Variants in CFAP299 observed in about 807,000 individuals in gnomAD.
CFAP299 encodes cilia and flagella associated protein 299.
CFAP299 carries 21 observed loss-of-function variants against 27.0 expected under a neutral mutation model. The observed-to-expected ratio is 0.78, with a 90% CI of 0.55 to 1.12. The LOEUF (loss-of-function observed/expected upper bound fraction) is 1.12. Ranked by LOEUF, CFAP299 falls within the 50% of genes most tolerant of loss-of-function variation. CFAP299 has a pLI of 0.00. For synonymous variants in CFAP299, 104 were observed against 98.1 expected, an observed-to-expected ratio of 1.06 and a Z score of -0.36; for missense variants, 310 against 276.6, an observed-to-expected ratio of 1.12 and a Z score of -0.86.
At chr4:80,519,071 T>A (rs1179807437) in intron 2 of CFAP299, among the ~76,000 whole-genome samples, 2 of 152,136 alleles carry the variant, frequency 1.3e-5, no homozygotes, top group Non-Finnish European at 2.9e-5. Flanking sequence ...AAATAATAAT[T>A]AATTTTTTCT....
chr4:80,771,713 T>C (rs1395677467), intron 3 of CFAP299, among the ~76,000 whole-genome samples: 1 of 152,154 alleles, frequency 6.6e-6, no homozygotes, highest in South Asian at 2.1e-4. Context: ...ATGTCTTCCA[T>C]CATGTGCTTT....
At chr4:80,903,145 G>A (rs72865182) in intron 4 of CFAP299, among the ~76,000 whole-genome samples, 2,397 of 152,124 alleles carry the variant, frequency 0.016, 65 homozygotes, top group African/African-American at 0.054. Context: ...ACTATGGAGT[G>A]TTACAAAGCA....
chr4:80,864,466 ATACC>A (rs1732579353), intron 3 of CFAP299, among the ~76,000 whole-genome samples: 1 of 143,854 alleles, frequency 7.0e-6, no homozygotes, highest in Non-Finnish European at 1.5e-5. Context: ...AAGTATATAT[ATACC>A]TATGTGTATA....
At chr4:80,582,065 C>T (rs572878947) in intron 2 of CFAP299, among the ~76,000 whole-genome samples, 66 of 151,882 alleles carry the variant, frequency 4.3e-4, no homozygotes, top group Non-Finnish European at 7.4e-4. Flanking sequence ...TGCCATTACC[C>T]GATTGCCTTG....
intron 3 of CFAP299, among the ~76,000 whole-genome samples, chr4:80,676,787 T>C (rs1241963945): frequency 6.6e-6 from 1 of 152,168 alleles, no homozygotes; most frequent in Non-Finnish European, 1.5e-5. Flanking sequence ...TTCTGTGGTC[T>C]AAGTTGTTAT....
chr4:80,441,091 T>A (rs1334452545), intron 2 of CFAP299, among the ~76,000 whole-genome samples: 1 of 152,170 alleles, frequency 6.6e-6, no homozygotes, highest in East Asian at 1.9e-4. Context: ...TTGATATACC[T>A]GAAAGTGACA....
chr4:80,495,045 A>G (rs1345257798), intron 2 of CFAP299, among the ~76,000 whole-genome samples: 1 of 152,182 alleles, frequency 6.6e-6, no homozygotes, highest in African/African-American at 2.4e-5. Context: ...AAGATATATA[A>G]CCATTTCACT....
At chr4:80,856,848 G>C (rs1370380029) in intron 3 of CFAP299, among the ~76,000 whole-genome samples, 1 of 151,894 alleles carries the variant, frequency 6.6e-6, no homozygotes, top group Non-Finnish European at 1.5e-5. Context: ...GATGCCTCCA[G>C]CTTTGTTCTT....
At chr4:80,459,784 G>A (rs540058316) in intron 2 of CFAP299, among the ~76,000 whole-genome samples, 8 of 152,300 alleles carry the variant, frequency 5.3e-5, no homozygotes, top group African/African-American at 1.9e-4. Flanking sequence ...TAGGTCCAGA[G>A]TTCCCTTGAC....
chr4:80,646,408 A>T (rs1346416456), intron 3 of CFAP299, among the ~76,000 whole-genome samples: 1 of 152,196 alleles, frequency 6.6e-6, no homozygotes, highest in African/African-American at 2.4e-5. Flanking sequence ...TGCTAGAGAC[A>T]TATTACCCTA....
intron 3 of CFAP299, among the ~76,000 whole-genome samples, chr4:80,767,604 G>A (rs150248355): frequency 3.9e-5 from 6 of 152,138 alleles, no homozygotes; most frequent in East Asian, 3.9e-4. Context: ...GCGAGACTCC[G>A]TCTCAAAAAA....
At chr4:80,405,909 A>G (rs1315945610) in intron 2 of CFAP299, among the ~76,000 whole-genome samples, 1 of 152,170 alleles carries the variant, frequency 6.6e-6, no homozygotes, top group African/African-American at 2.4e-5. Context: ...TATAGTTATT[A>G]GATACAGCCA....
intron 2 of CFAP299, among the ~76,000 whole-genome samples, chr4:80,495,383 G>T (rs1423518663): frequency 6.6e-6 from 1 of 152,060 alleles, no homozygotes; most frequent in Non-Finnish European, 1.5e-5. Flanking sequence ...CCAATTCTTG[G>T]TTACTGTAAA....
Position 80,848,104 on chromosome 4 carries a change from G to A in CFAP299, c.334-21889G>A, listed in dbSNP as rs182997355. Among the ~76,000 whole-genome samples, 912 of 151,938 alleles carry A rather than the reference G, an allele frequency of 6.0e-3. 6 individuals carry two copies. The highest frequency in any genetic ancestry group is 8.3e-3 in the Non-Finnish European group (562 of 67,928). On this transcript the variant is annotated intron_variant, in intron 3 of 5. Coordinates refer to ENST00000358105, the MANE Select transcript of CFAP299 (RefSeq NM_152770.3). ...TGTGCTCCCGTAGTGCCAGCTACTC[G>A]GGAGGCTGAGGTAGAAGAATGGCTT...
chr4:80,633,982 C>CTT (rs1225649545), intron 3 of CFAP299, among the ~76,000 whole-genome samples: 3,434 of 115,098 alleles, frequency 0.03, 175 homozygotes, highest in African/African-American at 0.089. Context: ...GAGGAGAAAA[C>CTT]TTTTTTTTTT....
chr4:80,933,134 T>C (rs563557608), intron 4 of CFAP299, among the ~76,000 whole-genome samples: 2 of 150,908 alleles, frequency 1.3e-5, no homozygotes, highest in Non-Finnish European at 2.9e-5. Context: ...CCTTCTTTCT[T>C]TTTCTTTCTT....
At chr4:80,664,333 C>T (rs1405373156) in intron 3 of CFAP299, among the ~76,000 whole-genome samples, 1 of 152,280 alleles carries the variant, frequency 6.6e-6, no homozygotes, top group East Asian at 1.9e-4. Context: ...GCTGAAGCTG[C>T]ACCCATGGAT....
At chr4:80,832,161 C>G (rs977834095) in intron 3 of CFAP299, among the ~76,000 whole-genome samples, 1 of 152,108 alleles carries the variant, frequency 6.6e-6, no homozygotes, top group African/African-American at 2.4e-5. Context: ...TGGGGCTAAC[C>G]TCTCAAGTGT....
At chr4:80,351,451 C>T (rs1723011420) in intron 1 of CFAP299, among the ~76,000 whole-genome samples, 1 of 152,040 alleles carries the variant, frequency 6.6e-6, no homozygotes, top group Middle Eastern at 3.4e-3. Flanking sequence ...TTGTAAATCA[C>T]AGAGTACCTG....
Sources: allele counts gnomAD v4.1 joint callset (sites outside exome capture counted in the v4.1 genomes callset), GRCh38; gene constraint gnomAD v4.1.1; transcripts MANE v1.5; gene names NCBI Gene and HGNC (gene_info 2026-07-23, HGNC 2026-07-21).